The following LOC400499 variants were observed in gnomAD, a reference collection of about 807,000 sequenced individuals.
chr16:11,450,184 T>C, the LOC400499 span, among the ~76,000 whole-genome samples: 1 of 152,356 alleles, frequency 6.6e-6, no homozygotes, highest in Non-Finnish European at 1.5e-5. Context: ...ATGACACTCA[T>C]GGCTTTTCTC....
At chr16:11,401,956 G>T in the LOC400499 span, 1 of 398,956 alleles carries the variant, frequency 2.5e-6, no homozygotes, top group Non-Finnish European at 4.4e-6. Context: ...CTCAGGCAGG[G>T]GAGGGCCCCA....
the LOC400499 span, among the ~76,000 whole-genome samples, chr16:11,508,214 T>C: frequency 6.6e-6 from 1 of 152,098 alleles, no homozygotes; most frequent in East Asian, 1.9e-4. Context: ...AGACAGATGG[T>C]GAGGAGAATC....
chr16:11,467,649 C>T, the LOC400499 span, among the ~76,000 whole-genome samples: 27 of 152,200 alleles, frequency 1.8e-4, no homozygotes, highest in South Asian at 5.6e-3. Context: ...AAAACCTAAA[C>T]ATGACAACTG....
chr16:11,457,483 C>T, the LOC400499 span, among the ~76,000 whole-genome samples: 2 of 151,472 alleles, frequency 1.3e-5, no homozygotes, highest in Non-Finnish European at 2.9e-5. Flanking sequence ...GTCCCAGCTA[C>T]CTGGGAGGCT....
chr16:11,447,406 G>A, the LOC400499 span, among the ~76,000 whole-genome samples: 23 of 152,312 alleles, frequency 1.5e-4, no homozygotes, highest in East Asian at 2.5e-3. Flanking sequence ...CCGGTTCTCT[G>A]CCATTTTCCA....
the LOC400499 span, among the ~76,000 whole-genome samples, chr16:11,437,178 G>C: frequency 2.0e-5 from 3 of 152,158 alleles, no homozygotes; most frequent in African/African-American, 7.2e-5. Context: ...GGGATGAAAA[G>C]GTAGAACCCA....
chr16:11,518,316 C>T, the LOC400499 span, among the ~76,000 whole-genome samples: 3 of 152,210 alleles, frequency 2.0e-5, no homozygotes, highest in East Asian at 1.9e-4. Context: ...TTCAGGCTGG[C>T]GGCTGCTCTG....
At chr16:11,398,599 G>A in the LOC400499 span, 9 of 999,484 alleles carry the variant, frequency 9.0e-6, no homozygotes, top group Middle Eastern at 3.5e-4. Flanking sequence ...CTAGGCAAGA[G>A]CATGTGCCAG....
chr16:11,526,150 A>G, the LOC400499 span, among the ~76,000 whole-genome samples: 1 of 152,270 alleles, frequency 6.6e-6, no homozygotes, highest in African/African-American at 2.4e-5. Context: ...TACAACAAAT[A>G]AAAGACCCCA....
At chr16:11,463,170 G>A in the LOC400499 span, among the ~76,000 whole-genome samples, 3 of 152,234 alleles carry the variant, frequency 2.0e-5, no homozygotes, top group East Asian at 5.8e-4. Flanking sequence ...CACACTCCAC[G>A]GCCCCGCAAA....
chr16:11,413,622 G>A, the LOC400499 span, among the ~76,000 whole-genome samples: 1 of 152,168 alleles, frequency 6.6e-6, no homozygotes, highest in Non-Finnish European at 1.5e-5. Flanking sequence ...CTATTTTGCT[G>A]CTAACTTGCT....
chr16:11,426,094 G>A, the LOC400499 span, among the ~76,000 whole-genome samples: 2 of 152,160 alleles, frequency 1.3e-5, no homozygotes, highest in African/African-American at 4.8e-5. Context: ...ATATGAATAT[G>A]TACTAGATTC....
At chr16:11,461,832 CTG>C in the LOC400499 span, among the ~76,000 whole-genome samples, 65 of 152,314 alleles carry the variant, frequency 4.3e-4, no homozygotes, top group East Asian at 9.3e-3. Context: ...CCTGCTCACT[CTG>C]TGTGTGTTTT....
At chr16:11,466,731 T>C in the LOC400499 span, among the ~76,000 whole-genome samples, 23 of 152,266 alleles carry the variant, frequency 1.5e-4, no homozygotes, top group African/African-American at 4.3e-4. Context: ...GGCTACCATA[T>C]GGGAGAGTCA....
chr16:11,499,732 C>T, the LOC400499 span, among the ~76,000 whole-genome samples: 3 of 152,178 alleles, frequency 2.0e-5, no homozygotes, highest in East Asian at 5.8e-4. Context: ...AGCTGCCTGG[C>T]ACCAGCTGTG....
the LOC400499 span, chr16:11,423,086 C>T: frequency 7.5e-6 from 3 of 399,186 alleles, no homozygotes; most frequent in Non-Finnish European, 1.3e-5. Flanking sequence ...CCGGGCCACA[C>T]CTCAGACGGC....
the LOC400499 span, among the ~76,000 whole-genome samples, chr16:11,434,825 C>A: frequency 6.6e-6 from 1 of 152,132 alleles, no homozygotes; most frequent in Non-Finnish European, 1.5e-5. Context: ...GGGACTTGAA[C>A]CCAAGTGGTC....
the LOC400499 span, among the ~76,000 whole-genome samples, chr16:11,410,667 A>T: frequency 1.3e-5 from 2 of 151,850 alleles, no homozygotes; most frequent in East Asian, 3.9e-4. Flanking sequence ...GACTAGTTAC[A>T]GATGTAACCA....
chr16:11,486,400 T>C, the LOC400499 span, among the ~76,000 whole-genome samples: 1 of 106,812 alleles, frequency 9.4e-6, no homozygotes, highest in Admixed American at 9.8e-5. Flanking sequence ...GGTAAATGGA[T>C]TGAGTGAATA....
Sources: allele counts gnomAD v4.1 joint callset (sites outside exome capture counted in the v4.1 genomes callset), GRCh38; gene constraint gnomAD v4.1.1; transcripts MANE v1.5.